ZBTB41: variants seen among roughly 807,000 people sequenced by gnomAD.
ZBTB41 encodes the protein zinc finger and BTB domain-containing protein 41.
A neutral mutation model predicts 87.6 loss-of-function variants in ZBTB41; 42 were observed. The ratio of observed to expected loss-of-function variants is 0.48; its 90% CI spans 0.37 to 0.62. ZBTB41 has a LOEUF of 0.62. ZBTB41 is among the 20% of genes least tolerant of loss of function. The probability of loss-of-function intolerance (pLI) is 0.00; values close to 1 mark genes in which losing one functional copy is unlikely to be tolerated. For synonymous variants in ZBTB41, 364 were observed against 364.0 expected (o/e 1.00, Z 0.00); for missense variants, 799 against 1,078.9 (o/e 0.74, Z 3.63).
At chr1:197,161,483 T>C (rs1319229269) in intron 10 of ZBTB41, among the ~76,000 whole-genome samples, 3 of 63,354 alleles carry the variant, frequency 4.7e-5, no homozygotes, top group Non-Finnish European at 1.3e-4. Context: ...TTGTAGCCCA[T>C]TGGAACCTTC....
intron 7 of ZBTB41, among the ~76,000 whole-genome samples, chr1:197,178,031 G>C (rs544406384): frequency 6.6e-6 from 1 of 152,024 alleles, no homozygotes; most frequent in African/African-American, 2.4e-5. Context: ...ATGCACAGAA[G>C]ACTTTTGAAA....
At chr1:197,187,803 A>T (rs1369994063) in intron 5 of ZBTB41, among the ~76,000 whole-genome samples, 1 of 152,222 alleles carries the variant, frequency 6.6e-6, no homozygotes, top group Non-Finnish European at 1.5e-5. Context: ...ATCAAATAGT[A>T]GATGAGGTAT....
intron 10 of ZBTB41, among the ~76,000 whole-genome samples, chr1:197,169,426 T>C (rs1659426083): frequency 6.6e-6 from 1 of 151,998 alleles, no homozygotes; most frequent in Non-Finnish European, 1.5e-5. Flanking sequence ...ACTTAATATT[T>C]ATTAGGTAAA....
At chr1:197,191,322 T>C (rs1381387654) in intron 3 of ZBTB41, among the ~76,000 whole-genome samples, 1 of 151,812 alleles carries the variant, frequency 6.6e-6, no homozygotes, top group Non-Finnish European at 1.5e-5. Context: ...TAGCTGGGCA[T>C]GGTGCACGCC....
intron 2 of ZBTB41, among the ~76,000 whole-genome samples, chr1:197,194,131 G>A (rs1056196981): frequency 6.6e-6 from 1 of 151,920 alleles, no homozygotes; most frequent in Admixed American, 6.6e-5. Context: ...CGATTCTCCT[G>A]ACTCAGCCTC....
At chr1:197,178,537 G>C in intron 6 of ZBTB41, 25 bp from the exon 7 acceptor site, 2 of 1,549,360 alleles carry the variant, frequency 1.3e-6, no homozygotes, top group South Asian at 2.4e-5. Context: ...ATAGATTCGA[G>C]ATTTTTTAAA....
intron 10 of ZBTB41, among the ~76,000 whole-genome samples, chr1:197,160,905 G>T (rs2125122016): frequency 6.6e-6 from 1 of 152,250 alleles, no homozygotes; most frequent in African/African-American, 2.4e-5. Flanking sequence ...GATGCAACAT[G>T]AGAACTCAAT....
chr1:197,199,221 A>C, intron 2 of ZBTB41, 133 bp downstream of exon 2: 1 of 865,704 alleles, frequency 1.2e-6, no homozygotes, highest in African/African-American at 1.8e-5. Flanking sequence ...AACACTATTG[A>C]AAACCAAGGT....
chr1:197,163,724 A>C (rs1659252099), intron 10 of ZBTB41, among the ~76,000 whole-genome samples: 5 of 152,006 alleles, frequency 3.3e-5, no homozygotes, highest in Admixed American at 3.3e-4. Flanking sequence ...AAAATCTAAA[A>C]AAGTAGCCAA....
chr1:197,186,396 A>T (rs763617973), intron 5 of ZBTB41, among the ~76,000 whole-genome samples: 2 of 152,242 alleles, frequency 1.3e-5, no homozygotes, highest in Non-Finnish European at 2.9e-5. Context: ...ACAATCCATG[A>T]AAGAAACAAT....
intron 2 of ZBTB41, among the ~76,000 whole-genome samples, chr1:197,195,739 A>G (rs1660146975): frequency 6.6e-6 from 1 of 152,086 alleles, no homozygotes; most frequent in Non-Finnish European, 1.5e-5. Context: ...TCATCTCCCT[A>G]TTTTTGCCTG....
chr1:197,180,969 T>A lies in ZBTB41; in HGVS notation c.1676+19A>T. On this transcript the variant is annotated intron_variant, in intron 6 of 10. Coordinates refer to ENST00000367405, the MANE Select transcript of ZBTB41 (RefSeq NM_194314.3). ...ATAATAGTACTAGGATTTTTGTGGG[T>A]GTGCAGATAATTCTTCACCTTTCTC... 2 of 1,582,704 alleles carry A rather than the reference T, an allele frequency of 1.3e-6. No individual in the cohort carries two copies. Among genetic ancestry groups the A allele is most frequent in the Non-Finnish European group, 1.7e-6 (2 of 1,172,302 alleles).
At chr1:197,189,267 A>T (rs1208258496) in intron 4 of ZBTB41, among the ~76,000 whole-genome samples, 1 of 152,146 alleles carries the variant, frequency 6.6e-6, no homozygotes, top group Non-Finnish European at 1.5e-5. Flanking sequence ...CACCCCTGTA[A>T]TCCCGGGAAG....
chr1:197,188,457 CAA>C lies in ZBTB41; in HGVS notation c.1399-20_1399-19del. ...TTACAAATCTAAATTAAAATGCAAA[CAA>C]AATGTTAAGAGAACCTGAATTAAAA... On this transcript the variant is annotated intron_variant, in intron 4 of 10. Transcript: ENST00000367405. 1 of 1,574,742 alleles carries C rather than the reference CAA, an allele frequency of 6.4e-7. No homozygotes were observed. Among genetic ancestry groups the C allele is most frequent in the Non-Finnish European group, 8.6e-7 (1 of 1,162,408 alleles).
At chr1:197,196,317 C>A (rs1433529629) in intron 2 of ZBTB41, among the ~76,000 whole-genome samples, 2 of 152,126 alleles carry the variant, frequency 1.3e-5, no homozygotes, top group Non-Finnish European at 2.9e-5. Flanking sequence ...AGAGAGGACA[C>A]TTAAGACACA....
chr1:197,176,713 T>C (rs376454614), intron 7 of ZBTB41, 43 bp from the exon 8 acceptor site: 124 of 1,411,208 alleles, frequency 8.8e-5, no homozygotes, highest in Non-Finnish European at 1.1e-4. Context: ...ACTGGTGACA[T>C]AGAAGGAAAA....
intron 6 of ZBTB41, among the ~76,000 whole-genome samples, chr1:197,178,842 AG>A (rs1659675125): frequency 6.6e-6 from 1 of 152,140 alleles, no homozygotes. Context: ...TTTGATAGAG[AG>A]GGTTTAATAA....
chr1:197,185,137 A>G lies in ZBTB41; in HGVS notation c.1546+3155T>C, dbSNP rs140530864. Among the ~76,000 whole-genome samples, 103 of 152,244 alleles carry G rather than the reference A, an allele frequency of 6.8e-4. 1 individual carries two copies. The East Asian group carries it at 0.02, about 29-fold the overall frequency. ...CCTAACTTTGTATTTATTCTTAATT[A>G]ATTTTAACTTAATTTGTTTTGACCT... On this transcript the variant is annotated intron_variant, in intron 5 of 10. Transcript: ENST00000367405.
Position 197,155,839 on chromosome 1 carries a change from A to T in ZBTB41, c.*3520T>A, listed in dbSNP as rs945249271. ...CAGCAATAAATGCCTTAATTACTTA[A>T]ATGTATGCAAAGACTACTATCTTTA... On this transcript the variant is annotated 3_prime_UTR_variant, in exon 11 of 11. Coordinates refer to ENST00000367405, the MANE Select transcript of ZBTB41 (RefSeq NM_194314.3). 2.0e-5 allele frequency: 3 copies of T among 152,362 alleles called. No homozygotes were observed. Among genetic ancestry groups the T allele is most frequent in the Middle Eastern group, 3.4e-3 (1 of 294 alleles). 9.4% of individuals were successfully genotyped at this position (152,362 alleles called of 1,614,324 possible). A position where few individuals can be genotyped will look rare whatever the true frequency, so the allele number is the denominator to read the frequency against.
Sources: allele counts gnomAD v4.1 joint callset (sites outside exome capture counted in the v4.1 genomes callset), GRCh38; gene constraint gnomAD v4.1.1; transcripts MANE v1.5; gene names NCBI Gene and HGNC (gene_info 2026-07-23, HGNC 2026-07-21).